HERC1: variants seen among roughly 807,000 people sequenced by gnomAD.
The protein encoded by HERC1 is HECT and RLD domain containing E3 ubiquitin protein ligase family member 1.
In HERC1, 160 loss-of-function variants were observed where a neutral mutation model predicts 554.3. That is an observed-to-expected ratio of 0.29 (90% CI 0.25 to 0.33). HERC1 has a LOEUF of 0.33. Ranked by LOEUF, HERC1 falls within the 10% of genes least tolerant of loss-of-function variation. The pLI, the probability that HERC1 is intolerant of heterozygous loss-of-function variation, is 1.00. For missense variants in HERC1, 4,919 were observed against 5,918.5 expected (o/e 0.83, Z 5.54); for synonymous variants, 2,175 against 2,131.7 (o/e 1.02, Z -0.56).
At chr15:63,696,469 A>G (rs2072420927) in intron 26 of HERC1, 130 bp from the exon 27 acceptor site, 1 of 620,514 alleles carries the variant, frequency 1.6e-6, no homozygotes, top group African/African-American at 1.8e-5. Flanking sequence ...TAAGATAAAC[A>G]TTTATTTTAT....
intron 53 of HERC1, among the ~76,000 whole-genome samples, chr15:63,650,916 C>A (rs1431120517): frequency 6.6e-6 from 1 of 152,050 alleles, no homozygotes; most frequent in Non-Finnish European, 1.5e-5. Context: ...GCAAAATAAA[C>A]ATAATAGAAA....
At position 63,812,641 on chromosome 15, in the gene HERC1, G is replaced by A. The variant is rs542673725; in HGVS notation, c.-27+21186C>T. Among the ~76,000 whole-genome samples, 10 of 152,186 alleles carry A rather than the reference G, an allele frequency of 6.6e-5. No individual in the cohort carries two copies. The South Asian group carries it at 1.7e-3, about 25-fold the overall frequency. On this transcript the variant is annotated intron_variant, in intron 1 of 77. Coordinates refer to ENST00000443617, the MANE Select transcript of HERC1 (RefSeq NM_003922.4). ...CCATCCCTGTGGAACTCATGAAGCT[G>A]CACACTAGTAAGCTTCACTTCTATG...
intron 56 of HERC1, 36 bp from the exon 57 acceptor site, chr15:63,645,133 C>A (rs376197956): frequency 1.0e-5 from 14 of 1,383,094 alleles, no homozygotes; most frequent in Middle Eastern, 1.8e-4. Flanking sequence ...CAAAACATGT[C>A]AATATGCATT....
chr15:63,740,618 G>A (rs958193905), intron 12 of HERC1, among the ~76,000 whole-genome samples: 4 of 152,194 alleles, frequency 2.6e-5, no homozygotes, highest in Non-Finnish European at 4.4e-5. Flanking sequence ...CTGTCACTTA[G>A]TGGGTGTGAA....
At position 63,727,840 on chromosome 15, in the gene HERC1, T is replaced by C. The variant is rs1326732827; in HGVS notation, c.3155-2A>G. ...CAGCAGCTGAGACGTATATCACATC[T>C]ATGAAGGGCAAGAAATTAAACATGG... On this transcript the variant is annotated splice_acceptor_variant, in intron 16 of 77. Transcript: ENST00000443617. LOFTEE classifies it high-confidence loss of function. This position sits in a 1 kb window ranked among gnomAD's most constrained non-coding sequence, Gnocchi z 4.3. The C allele has an allele frequency of 1.9e-6, 3 of 1,609,692 alleles. No individual in the cohort carries two copies. In the Admixed American group the frequency reaches 5.1e-5, roughly 27 times the overall value.
Position 63,733,274 on chromosome 15 carries a change from A to C in HERC1, c.2647-129T>G, listed in dbSNP as rs1039819. Reference sequence around the variant, plus strand: ...ATAAATAATCATCTTCAGGAAGTACATAATTATAAAAACTACCCAATTAAT... The same window carrying C: ...ATAAATAATCATCTTCAGGAAGTACCTAATTATAAAAACTACCCAATTAAT... On this transcript the variant is annotated intron_variant, in intron 13 of 77. Coordinates refer to ENST00000443617, the MANE Select transcript of HERC1 (RefSeq NM_003922.4). 174,344 of 629,838 alleles carry C rather than the reference A, an allele frequency of 0.28. 27,306 individuals carry two copies. Among genetic ancestry groups the C allele is most frequent in the Middle Eastern group, 0.33 (770 of 2,358 alleles). The allele number at this position is 629,838 out of a possible 1,614,324, so 39.0% of individuals were successfully genotyped here.
At chr15:63,777,102 C>T (rs2076140267) in intron 1 of HERC1, among the ~76,000 whole-genome samples, 1 of 152,120 alleles carries the variant, frequency 6.6e-6, no homozygotes, top group Non-Finnish European at 1.5e-5. Flanking sequence ...ACCTCAATCA[C>T]TGAAGGGAAT....
chr15:63,735,230 T>C (rs1295272538), intron 12 of HERC1, among the ~76,000 whole-genome samples: 6 of 151,638 alleles, frequency 4.0e-5, no homozygotes, highest in Non-Finnish European at 7.4e-5. Flanking sequence ...AGGAGTCACA[T>C]AGGGAAAGTA....
chr15:63,714,210 C>T (rs780910452), intron 22 of HERC1, among the ~76,000 whole-genome samples: 5 of 151,798 alleles, frequency 3.3e-5, no homozygotes, highest in African/African-American at 9.7e-5. Context: ...AAAAAAAAAA[C>T]GGACAAAATT....
intron 33 of HERC1, 102 bp from the exon 34 acceptor site, chr15:63,686,637 A>G: frequency 4.3e-6 from 4 of 924,468 alleles, no homozygotes; most frequent in Non-Finnish European, 6.5e-6. Flanking sequence ...TTTATTATGT[A>G]TCTACTATGA....
intron 61 of HERC1, 118 bp downstream of exon 61, chr15:63,640,034 T>G: frequency 1.0e-6 from 1 of 973,040 alleles, no homozygotes; most frequent in Non-Finnish European, 1.5e-6. Context: ...TTTCCATTTC[T>G]CTTAAGGGTA....
rs2067645948 is a variant in HERC1, at chr15:63,612,568, A to G, written c.14095-12T>C. On this transcript the variant is annotated splice_polypyrimidine_tract_variant and intron_variant, in intron 76 of 77. Coordinates refer to ENST00000443617, the MANE Select transcript of HERC1 (RefSeq NM_003922.4). This position sits in a 1 kb window ranked among gnomAD's most constrained non-coding sequence, Gnocchi z 5.0. ...CGGACTGCAGCCACCTGCTCCCGGGAGAGGTTGCTCATTCAATGAGTGTGC... is the reference window on the plus strand; with the variant it reads ...CGGACTGCAGCCACCTGCTCCCGGGGGAGGTTGCTCATTCAATGAGTGTGC... The G allele has an allele frequency of 1.9e-6, 3 of 1,608,524 alleles. No individual in the cohort carries two copies. The African/African-American group carries it at 4.0e-5, about 21-fold the overall frequency.
chr15:63,786,914 A>ATTTTTTTTTTTTTTTTTTTTTTTTTTTTT lies in HERC1; in HGVS notation c.-26-11266_-26-11265insAAAAAAAAAAAAAAAAAAAAAAAAAAAAA, dbSNP rs780871966. ...CGTGATGTGAACTTCAACTCAATAA[A>ATTTTTTTTTTTTTTTTTTTTTTTTTTTTT]TTATTATTTTTTTTTTTTTTATTTT... On this transcript the variant is annotated intron_variant, in intron 1 of 77. Coordinates refer to ENST00000443617, the MANE Select transcript of HERC1 (RefSeq NM_003922.4). 1.5e-5 allele frequency among the ~76,000 whole-genome samples: 2 copies of ATTTTTTTTTTTTTTTTTTTTTTTTTTTTT among 135,548 alleles called. 1 individual carries two copies. 88.9% of individuals were successfully genotyped at this position (135,548 alleles called of 152,430 possible).
At position 63,694,690 on chromosome 15, in the gene HERC1, C is replaced by T. The variant is rs1461783749; in HGVS notation, c.5242+84G>A. 1.9e-6 allele frequency: 3 copies of T among 1,567,126 alleles called. No individual in the cohort carries two copies. Among genetic ancestry groups the T allele is most frequent in the Non-Finnish European group, 2.6e-6 (3 of 1,137,930 alleles). On this transcript the variant is annotated intron_variant, in intron 28 of 77. Coordinates refer to ENST00000443617, the MANE Select transcript of HERC1 (RefSeq NM_003922.4). This position sits in a 1 kb window ranked among gnomAD's most constrained non-coding sequence, Gnocchi z 4.3. ...TATAAGTTTATCTACTAATGTTAAACACAAAATATAGAACATAACTAGTAC... is the reference window on the plus strand; with the variant it reads ...TATAAGTTTATCTACTAATGTTAAATACAAAATATAGAACATAACTAGTAC...
chr15:63,628,523 T>G lies in HERC1; in HGVS notation c.13105+154A>C, dbSNP rs535735358. On this transcript the variant is annotated intron_variant, in intron 70 of 77. Coordinates refer to ENST00000443617, the MANE Select transcript of HERC1 (RefSeq NM_003922.4). ...AACAAATGCCTGCTATGAAAATACT[T>G]CCAGTGCTAGTAGCACAAAGAATGC... Among the ~76,000 whole-genome samples, 184 of 152,364 alleles carry G rather than the reference T, an allele frequency of 1.2e-3. 1 individual carries two copies. The highest frequency in any genetic ancestry group is 4.4e-3 in the African/African-American group (181 of 41,592).
Position 63,718,405 on chromosome 15 carries a change from G to T in HERC1, c.3978+169C>A. 1 of 609,120 alleles carries T rather than the reference G, an allele frequency of 1.6e-6. No homozygotes were observed. 37.7% of individuals were successfully genotyped at this position (609,120 alleles called of 1,614,324 possible). ...TCACACTTGGTAAATGTGAGGTTAAGTAAATCTCAAATCTTTTCCTTTTTT... is the reference window on the plus strand; with the variant it reads ...TCACACTTGGTAAATGTGAGGTTAATTAAATCTCAAATCTTTTCCTTTTTT... On this transcript the variant is annotated intron_variant, in intron 21 of 77. Coordinates refer to ENST00000443617, the MANE Select transcript of HERC1 (RefSeq NM_003922.4). The surrounding 1 kb of genome is among the most constrained non-coding windows in gnomAD (Gnocchi z 4.2).
At chr15:63,808,836 G>GA (rs959256390) in intron 1 of HERC1, among the ~76,000 whole-genome samples, 1 of 152,004 alleles carries the variant, frequency 6.6e-6, no homozygotes, top group Non-Finnish European at 1.5e-5. Flanking sequence ...ATTGTCTGTA[G>GA]AAAAAAATCA....
chr15:63,711,521 A>G lies in HERC1; in HGVS notation c.4584+1254T>C, dbSNP rs969528505. 4.6e-5 allele frequency among the ~76,000 whole-genome samples: 7 copies of G among 152,232 alleles called. No individual in the cohort carries two copies. The East Asian group carries it at 1.2e-3, about 25-fold the overall frequency. The stretch of plus-strand genomic sequence containing the variant: ...AAACAAAATGTCATGATACAATGAA[A>G]CGTAAAGACACTGTTCAACTTTCCT... On this transcript the variant is annotated intron_variant, in intron 24 of 77. Transcript: ENST00000443617.
chr15:63,797,235 G>A (rs751512478), intron 1 of HERC1, among the ~76,000 whole-genome samples: 12 of 152,192 alleles, frequency 7.9e-5, no homozygotes, highest in Non-Finnish European at 1.5e-4. Flanking sequence ...CTAAGGTGTA[G>A]GCATAGTTTC....
Sources: gnomAD v4.1 joint callset for allele counts (sites outside exome capture counted in the v4.1 genomes callset) on GRCh38, gnomAD v4.1.1 for gene constraint, Gnocchi (gnomAD v3.1) non-coding constraint, MANE v1.5 for transcripts, NCBI Gene and HGNC (gene_info 2026-07-23, HGNC 2026-07-21) for gene names.